CSMD1: variants seen among roughly 807,000 people sequenced by gnomAD.
The protein encoded by CSMD1 is CUB and Sushi multiple domains 1, also known as CUB and sushi domain-containing protein 1.
In CSMD1, 213 loss-of-function variants were observed where a neutral mutation model predicts 417.5. That is an observed-to-expected ratio of 0.51 (90% CI 0.46 to 0.57). CSMD1 has a LOEUF of 0.57. CSMD1 is among the 20% of genes least tolerant of loss of function. CSMD1 has a pLI of 0.00. For missense variants in CSMD1, 6,923 were observed against 4,529.7 expected, an observed-to-expected ratio of 1.53 and a Z score of -15.17; for synonymous variants, 2,862 against 1,736.8, an observed-to-expected ratio of 1.65 and a Z score of -16.11.
At chr8:3,994,060 G>C (rs745570862) in intron 5 of CSMD1, among the ~76,000 whole-genome samples, 1 of 152,194 alleles carries the variant, frequency 6.6e-6, no homozygotes, top group Admixed American at 6.5e-5. Context: ...TGGACAGCTT[G>C]GGAAGGCACA....
chr8:4,417,490 T>C (rs1024744763), intron 3 of CSMD1, among the ~76,000 whole-genome samples: 11 of 152,076 alleles, frequency 7.2e-5, no homozygotes, highest in African/African-American at 2.4e-4. Flanking sequence ...AGTCTGTTAA[T>C]ACTACCACAA....
chr8:4,078,901 ATATATATATATATATATAT>A (rs1799975207), intron 3 of CSMD1, among the ~76,000 whole-genome samples: 2 of 18,342 alleles, frequency 1.1e-4, no homozygotes, highest in African/African-American at 3.3e-4. Context: ...TAATAAATAT[ATATATATATATATATATAT>A]ATATATATAT....
At chr8:4,464,929 G>A (rs977637296) in intron 2 of CSMD1, among the ~76,000 whole-genome samples, 4 of 152,048 alleles carry the variant, frequency 2.6e-5, no homozygotes, top group African/African-American at 9.7e-5. Flanking sequence ...TGAGCACGAA[G>A]CCATATTCAA....
chr8:3,854,259 A>G (rs1190826463), intron 5 of CSMD1, among the ~76,000 whole-genome samples: 2 of 151,188 alleles, frequency 1.3e-5, no homozygotes, highest in Non-Finnish European at 2.9e-5. Flanking sequence ...TAATACATTT[A>G]ACTCCAAAAT....
intron 7 of CSMD1, among the ~76,000 whole-genome samples, chr8:3,679,852 A>G (rs543325399): frequency 1.8e-4 from 28 of 152,336 alleles, no homozygotes; most frequent in African/African-American, 6.7e-4. Context: ...ACCACAGTGC[A>G]ATCAAACAAG....
rs191351131 is a variant in CSMD1 at position 3,589,518 on chromosome 8, A to C, written c.1098-3258T>G. The stretch of plus-strand genomic sequence containing the variant: ...GGGGGAAATTATGCTAAGTAAAATG[A>C]ACCAGGCACAGAAAGACAAGTACTG... On this transcript the variant is annotated intron_variant, in intron 8 of 69. Transcript: ENST00000635120. Among the ~76,000 whole-genome samples, 17 of 152,268 alleles carry C rather than the reference A, an allele frequency of 1.1e-4. No homozygotes were observed. The East Asian group carries it at 2.9e-3, about 26-fold the overall frequency.
At chr8:4,366,610 T>C (rs2128910341) in intron 3 of CSMD1, among the ~76,000 whole-genome samples, 1 of 152,298 alleles carries the variant, frequency 6.6e-6, no homozygotes, top group South Asian at 2.1e-4. Flanking sequence ...TTGCTTTTTA[T>C]TAACAGCAAT....
chr8:4,887,470 T>G (rs1803829027), intron 1 of CSMD1, among the ~76,000 whole-genome samples: 1 of 152,032 alleles, frequency 6.6e-6, no homozygotes. Context: ...TTACAAACGT[T>G]TTTGTTACGT....
At position 2,974,627 on chromosome 8, in the gene CSMD1, T is replaced by A; in HGVS notation, c.8567-3A>T. 6.4e-7 allele frequency: 1 copy of A among 1,573,378 alleles called. No individual in the cohort carries two copies. The highest frequency in any genetic ancestry group is 2.3e-5 in the East Asian group (1 of 43,412). ...CCCTGGGTGTCCACACGATATAGCTTCAGAAAAAAGATAAAACAATTGAGT... is the reference window on the plus strand; with the variant it reads ...CCCTGGGTGTCCACACGATATAGCTACAGAAAAAAGATAAAACAATTGAGT... On this transcript the variant is annotated splice_polypyrimidine_tract_variant and splice_region_variant and intron_variant, in intron 55 of 69. Transcript: ENST00000635120.
chr8:3,364,412 G>C (rs1809413194), intron 20 of CSMD1, among the ~76,000 whole-genome samples: 1 of 152,156 alleles, frequency 6.6e-6, no homozygotes, highest in Non-Finnish European at 1.5e-5. Context: ...TAAATGAATT[G>C]TTCTGAATGT....
chr8:4,039,411 A>G (rs1225869704), intron 3 of CSMD1, among the ~76,000 whole-genome samples: 6 of 152,188 alleles, frequency 3.9e-5, no homozygotes, highest in African/African-American at 2.4e-5. Context: ...TGGTTATATA[A>G]TTTTCAGGAT....
At chr8:4,700,323 A>G (rs994585917) in intron 1 of CSMD1, among the ~76,000 whole-genome samples, 1 of 151,948 alleles carries the variant, frequency 6.6e-6, no homozygotes. Flanking sequence ...GGATTATTTT[A>G]TCATTAATCT....
intron 6 of CSMD1, among the ~76,000 whole-genome samples, chr8:3,712,904 G>C (rs547610595): frequency 6.6e-6 from 1 of 152,230 alleles, no homozygotes; most frequent in South Asian, 2.1e-4. Context: ...TTGACAGAAG[G>C]AATAAGTTCA....
chr8:4,365,046 G>C (rs1368249629), intron 3 of CSMD1, among the ~76,000 whole-genome samples: 1 of 152,078 alleles, frequency 6.6e-6, no homozygotes, highest in Admixed American at 6.6e-5. Flanking sequence ...TCTTTCAATT[G>C]TGAGGACATT....
At chr8:3,674,645 G>C (rs1218874216) in intron 7 of CSMD1, among the ~76,000 whole-genome samples, 10 of 152,068 alleles carry the variant, frequency 6.6e-5, no homozygotes, top group Non-Finnish European at 4.4e-5. Flanking sequence ...TAATAAAACT[G>C]AGTCAAAAAG....
At chr8:3,977,935 G>C (rs1265645547) in intron 5 of CSMD1, among the ~76,000 whole-genome samples, 3 of 152,148 alleles carry the variant, frequency 2.0e-5, no homozygotes, top group African/African-American at 7.2e-5. Context: ...TCGTGCCATG[G>C]AGAGGTCATG....
At chr8:4,354,938 G>A (rs913906532) in intron 3 of CSMD1, among the ~76,000 whole-genome samples, 3 of 148,232 alleles carry the variant, frequency 2.0e-5, no homozygotes, top group South Asian at 4.3e-4. Flanking sequence ...CAGGTTGAAA[G>A]AAACCACCGA....
intron 5 of CSMD1, among the ~76,000 whole-genome samples, chr8:3,789,939 G>C (rs1049805843): frequency 3.9e-5 from 6 of 151,992 alleles, no homozygotes; most frequent in Non-Finnish European, 4.4e-5. Context: ...CACCATGTTA[G>C]CCAGGATGGT....
intron 3 of CSMD1, among the ~76,000 whole-genome samples, chr8:4,384,309 G>A (rs1803299870): frequency 6.6e-6 from 1 of 152,120 alleles, no homozygotes; most frequent in Admixed American, 6.6e-5. Context: ...ATAAAGGGCA[G>A]TTCCGAAATC....
Sources: allele counts gnomAD v4.1 joint callset (sites outside exome capture counted in the v4.1 genomes callset), GRCh38; gene constraint gnomAD v4.1.1; transcripts MANE v1.5; gene names NCBI Gene and HGNC (gene_info 2026-07-23, HGNC 2026-07-21).